Variants in TBC1D14 observed in about 807,000 individuals in gnomAD.
TBC1D14 encodes the protein TBC1 domain family, member 14.
A neutral mutation model predicts 79.0 loss-of-function variants in TBC1D14; 26 were observed. The ratio of observed to expected loss-of-function variants is 0.33; its 90% CI spans 0.24 to 0.46. TBC1D14 has a LOEUF of 0.46. Ranked by LOEUF, TBC1D14 falls within the 20% of genes least tolerant of loss-of-function variation. TBC1D14 has a pLI of 1.00. For synonymous variants in TBC1D14, 394 were observed against 349.9 expected, an observed-to-expected ratio of 1.13 and a Z score of -1.40; for missense variants, 769 against 887.6, an observed-to-expected ratio of 0.87 and a Z score of 1.70.
chr4:7,005,124 G>C lies in TBC1D14; in HGVS notation c.1351+200G>C, dbSNP rs542927431. On this transcript the variant is annotated intron_variant, in intron 8 of 13. Transcript: ENST00000409757. ...AAACTTTTTATAAGAAATTGGCCGG[G>C]TGTGGTGACTCATGCCTGTAATCCC... Among the ~76,000 whole-genome samples the C allele has an allele frequency of 2.0e-5, 3 of 152,352 alleles. No individual in the cohort carries two copies. In the East Asian group the frequency reaches 5.8e-4, roughly 29 times the overall value.
At chr4:6,957,125 G>C (rs549233515) in intron 2 of TBC1D14, among the ~76,000 whole-genome samples, 25 of 152,184 alleles carry the variant, frequency 1.6e-4, no homozygotes, top group Non-Finnish European at 3.5e-4. Flanking sequence ...ATTTGTACTG[G>C]GAGGAAAGTG....
chr4:6,926,653 A>G (rs1724320101), intron 2 of TBC1D14, among the ~76,000 whole-genome samples: 1 of 152,234 alleles, frequency 6.6e-6, no homozygotes, highest in Admixed American at 6.5e-5. Context: ...AGTCTTAAAA[A>G]TGTTAGAGAA....
intron 1 of TBC1D14, among the ~76,000 whole-genome samples, chr4:6,917,650 G>A (rs1194783451): frequency 6.6e-6 from 1 of 152,118 alleles, no homozygotes; most frequent in East Asian, 1.9e-4. Flanking sequence ...AGGCAGAGAC[G>A]GATCAGGAGG....
intron 3 of TBC1D14, among the ~76,000 whole-genome samples, chr4:6,987,860 A>C (rs530099708): frequency 1.3e-5 from 2 of 152,338 alleles, no homozygotes; most frequent in African/African-American, 4.8e-5. Flanking sequence ...ACCAGCCCGC[A>C]TATTAACTTT....
chr4:6,986,983 C>G (rs1717897726), intron 3 of TBC1D14, among the ~76,000 whole-genome samples: 1 of 152,232 alleles, frequency 6.6e-6, no homozygotes. Flanking sequence ...TTTCTCAGCT[C>G]TCGGGTGATC....
Position 6,923,550 on chromosome 4 carries a change from C to T in TBC1D14, c.161C>T (p.Ala54Val). The change falls in exon 2 of 14, where the codon GCT becomes GTT. Residue 54 changes from alanine to valine, a missense_variant. Physicochemically the swap from Ala to Val is moderately conservative, Grantham distance 64. Coordinates refer to ENST00000409757, the MANE Select transcript of TBC1D14 (RefSeq NM_020773.3). ...TACGGGCCCAAGCTGAAACTCAGGG[C>T]TTTAGAAGACCGGCACAGCCTCCAG... is the stretch of plus-strand genomic sequence containing the variant. ...PEYGPKLKLR[A>V]LEDRHSLQSV... The T allele has an allele frequency of 2.5e-6, 4 of 1,614,164 alleles. No homozygotes were observed. Among genetic ancestry groups the T allele is most frequent in the Non-Finnish European group, 3.4e-6 (4 of 1,180,036 alleles).
At chr4:6,927,206 C>T (rs2108934645) in intron 2 of TBC1D14, among the ~76,000 whole-genome samples, 1 of 152,262 alleles carries the variant, frequency 6.6e-6, no homozygotes, top group East Asian at 1.9e-4. Flanking sequence ...GAGAGAGTCC[C>T]TCCCCTTATG....
intron 12 of TBC1D14, among the ~76,000 whole-genome samples, chr4:7,019,123 G>A (rs1356913281): frequency 6.6e-6 from 1 of 152,032 alleles, no homozygotes; most frequent in East Asian, 1.9e-4. Context: ...CCGGATTCAC[G>A]CCATTCTCCT....
chr4:6,944,110 C>T (rs933840744), intron 2 of TBC1D14, among the ~76,000 whole-genome samples: 6 of 152,100 alleles, frequency 3.9e-5, no homozygotes, highest in South Asian at 2.1e-4. Context: ...TTTAAAAATG[C>T]GCAGGAAAAC....
At chr4:6,915,149 C>T (rs1048195221) in intron 1 of TBC1D14, among the ~76,000 whole-genome samples, 1 of 152,174 alleles carries the variant, frequency 6.6e-6, no homozygotes, top group Non-Finnish European at 1.5e-5. Context: ...TTCTCCTTGG[C>T]ATTAGAGGCT....
chr4:6,922,950 C>G (rs1480498271), intron 1 of TBC1D14, among the ~76,000 whole-genome samples: 2 of 152,192 alleles, frequency 1.3e-5, no homozygotes, highest in Non-Finnish European at 2.9e-5. Context: ...CCCAAAATCC[C>G]AGCATTTTGG....
At position 6,973,430 on chromosome 4, in the gene TBC1D14, C is replaced by T. The variant is rs139818208; in HGVS notation, c.843+6006C>T. 4.6e-5 allele frequency among the ~76,000 whole-genome samples: 7 copies of T among 152,220 alleles called. No individual in the cohort carries two copies. In the East Asian group the frequency reaches 9.6e-4, roughly 21 times the overall value. ...ACTTTCATTATCCCTTACGCCTTTG[C>T]AAAATGGGTTTGAAAGAGCTTACAG... On this transcript the variant is annotated intron_variant, in intron 3 of 13. Coordinates refer to ENST00000409757, the MANE Select transcript of TBC1D14 (RefSeq NM_020773.3).
rs1577173739 is a variant in TBC1D14 at position 7,014,428 on chromosome 4, A to G, written c.1648-20A>G. On this transcript the variant is annotated intron_variant, in intron 11 of 13. Transcript: ENST00000409757. The stretch of plus-strand genomic sequence containing the variant: ...ACTTGTGCAGATAGTTTCTGAGTAA[A>G]TTTCATATTATCTCCCTAGATGTTG... 1 of 1,530,160 alleles carries G rather than the reference A, an allele frequency of 6.5e-7. No homozygotes were observed. Among genetic ancestry groups the G allele is most frequent in the Non-Finnish European group, 9.0e-7 (1 of 1,105,974 alleles). The allele number at this position is 1,530,160 out of a possible 1,614,324, so 94.8% of individuals were successfully genotyped here.
intron 1 of TBC1D14, among the ~76,000 whole-genome samples, chr4:6,911,910 G>A (rs187944300): frequency 1.2e-4 from 18 of 152,180 alleles, no homozygotes; most frequent in African/African-American, 3.4e-4. Flanking sequence ...AATACATAAC[G>A]CAACAGGATT....
At chr4:6,913,403 T>C (rs1723153252) in intron 1 of TBC1D14, among the ~76,000 whole-genome samples, 1 of 152,234 alleles carries the variant, frequency 6.6e-6, no homozygotes, top group South Asian at 2.1e-4. Flanking sequence ...GAATATACCT[T>C]TTGGGCAACA....
At chr4:7,006,414 A>G (rs899165183) in intron 8 of TBC1D14, among the ~76,000 whole-genome samples, 3 of 152,212 alleles carry the variant, frequency 2.0e-5, no homozygotes, top group African/African-American at 4.8e-5. Context: ...TCTAATGATA[A>G]TCTAGAATTA....
Position 6,987,447 on chromosome 4 carries a change from C to CAA in TBC1D14, c.844-6737_844-6736insAA, listed in dbSNP as rs1717976553. 5 of 1,176,562 alleles carry CAA rather than the reference C, an allele frequency of 4.2e-6. No homozygotes were observed. In the Admixed American group the frequency reaches 2.1e-4, roughly 48 times the overall value. 72.9% of individuals were successfully genotyped at this position (1,176,562 alleles called of 1,614,324 possible). A position where few individuals can be genotyped will look rare whatever the true frequency, so the allele number is the denominator to read the frequency against. On this transcript the variant is annotated intron_variant, in intron 3 of 13. Transcript: ENST00000409757. ...TGGGCCTGCCAGCCCTGCGGCCCCG[C>CAA]GCAGGTGGAGGGTGCGAGTGTGCAT...
At chr4:6,921,473 C>T (rs1723853699) in intron 1 of TBC1D14, among the ~76,000 whole-genome samples, 1 of 152,130 alleles carries the variant, frequency 6.6e-6, no homozygotes, top group South Asian at 2.1e-4. Context: ...TCCCAAAATG[C>T]TGGGATCACA....
In TBC1D14 at chr4:7,014,478, T is replaced by C; in HGVS notation, c.1678T>C (p.Phe560Leu). 1 of 1,613,946 alleles carries C rather than the reference T, an allele frequency of 6.2e-7. No individual in the cohort carries two copies. The highest frequency in any genetic ancestry group is 8.5e-7 in the Non-Finnish European group (1 of 1,179,830). ...MLTYFAAFEV[F>L]FEENLPKLFA... is the part of the protein sequence containing the mutation. Reference sequence around the variant, plus strand: ...GACTTATTTTGCTGCATTTGAAGTATTCTTTGAAGAAAATTTGCCGAAATT... The same window carrying C: ...GACTTATTTTGCTGCATTTGAAGTACTCTTTGAAGAAAATTTGCCGAAATT... Residue 560 changes from phenylalanine to leucine, a missense_variant, in exon 12 of 14, where the codon TTC (phenylalanine) becomes CTC (leucine). This residue lies in a region of TBC1D14 where 367 missense variants were observed against 494.4 expected (regional missense o/e 0.74). Coordinates refer to ENST00000409757, the MANE Select transcript of TBC1D14 (RefSeq NM_020773.3).
Sources: allele counts gnomAD v4.1 joint callset (sites outside exome capture counted in the v4.1 genomes callset), GRCh38; gene constraint gnomAD v4.1.1; regional missense constraint gnomAD v4.1.1; transcripts MANE v1.5; gene names NCBI Gene and HGNC (gene_info 2026-07-23, HGNC 2026-07-21).